TMCO1: variants seen among roughly 807,000 people sequenced by gnomAD.
The protein encoded by TMCO1 is calcium load-activated calcium channel.
In TMCO1, 29 loss-of-function variants were observed where a neutral mutation model predicts 29.3. The observed-to-expected ratio is 0.99, with a 90% CI of 0.74 to 1.35. The LOEUF (loss-of-function observed/expected upper bound fraction) is 1.35, where lower values mean the gene tolerates loss of function less well. Ranked by LOEUF, TMCO1 falls within the 40% of genes most tolerant of loss-of-function variation. TMCO1 has a pLI of 0.00. For synonymous variants in TMCO1, 80 were observed against 77.1 expected, an observed-to-expected ratio of 1.04 and a Z score of -0.20; for missense variants, 173 against 225.5, an observed-to-expected ratio of 0.77 and a Z score of 1.49.
intron 5 of TMCO1, among the ~76,000 whole-genome samples, chr1:165,747,677 G>C (rs1651850307): frequency 1.3e-5 from 2 of 152,188 alleles, no homozygotes; most frequent in African/African-American, 2.4e-5. Flanking sequence ...CCAGGGTAAG[G>C]AGTCTGACTA....
chr1:165,757,868 T>C (rs1652255796), intron 3 of TMCO1, among the ~76,000 whole-genome samples: 2 of 152,222 alleles, frequency 1.3e-5, no homozygotes, highest in African/African-American at 4.8e-5. Context: ...TTACACTCCA[T>C]GTTAAGATCA....
Position 165,727,915 on chromosome 1 carries a change from G to GA in TMCO1, c.*107dup, listed in dbSNP as rs769785900. 5 of 811,876 alleles carry GA rather than the reference G, an allele frequency of 6.2e-6. No homozygotes were observed. The South Asian group carries it at 6.9e-5, about 11-fold the overall frequency. The allele number at this position is 811,876 out of a possible 1,614,324, so 50.3% of individuals were successfully genotyped here. A position where few individuals can be genotyped will look rare whatever the true frequency, so the allele number is the denominator to read the frequency against. On this transcript the variant is annotated 3_prime_UTR_variant, in exon 7 of 7. Transcript: ENST00000367881. ...AAGGCTTAGAAATAATTCAAAACTA[G>GA]AAAGAGGCCCAAGTAGTAAGGCTAC...
intron 6 of TMCO1, among the ~76,000 whole-genome samples, 198 bp from the exon 7 acceptor site, chr1:165,728,319 C>T (rs1650987385): frequency 6.6e-6 from 1 of 150,964 alleles, no homozygotes; most frequent in Admixed American, 6.6e-5. Context: ...TGCAGTGGAG[C>T]AATCTTGGCT....
chr1:165,732,824 T>C (rs773903403), intron 6 of TMCO1, among the ~76,000 whole-genome samples: 1 of 152,208 alleles, frequency 6.6e-6, no homozygotes, highest in Non-Finnish European at 1.5e-5. Context: ...GAATATATAG[T>C]AAGATAACAG....
At chr1:165,733,144 G>A (rs1651235855) in intron 6 of TMCO1, among the ~76,000 whole-genome samples, 1 of 152,064 alleles carries the variant, frequency 6.6e-6, no homozygotes, top group East Asian at 1.9e-4. Context: ...GATACCAATG[G>A]TCAGGCTGTA....
At chr1:165,739,390 TA>T (rs1651503092) in intron 6 of TMCO1, among the ~76,000 whole-genome samples, 1 of 36,990 alleles carries the variant, frequency 2.7e-5, no homozygotes, top group African/African-American at 1.3e-4. Context: ...TTGAACTTCC[TA>T]AATAATTTTT....
At chr1:165,729,930 T>C (rs1422182734) in intron 6 of TMCO1, among the ~76,000 whole-genome samples, 1 of 152,054 alleles carries the variant, frequency 6.6e-6, no homozygotes, top group Non-Finnish European at 1.5e-5. Context: ...CTACTAGATA[T>C]AAGATACTGT....
chr1:165,724,685 A>G (rs999208755), downstream of TMCO1: 1 of 454,010 alleles, frequency 2.2e-6, no homozygotes, highest in African/African-American at 2.0e-5. Flanking sequence ...GATGTGTATC[A>G]GCTAACTGCA....
chr1:165,757,935 AT>A (rs1184858042), intron 3 of TMCO1, among the ~76,000 whole-genome samples: 2 of 152,310 alleles, frequency 1.3e-5, no homozygotes, highest in East Asian at 3.9e-4. Context: ...TCTGCCTTCC[AT>A]TTTTATATCC....
rs34558487 is a variant in TMCO1 at position 165,732,388 on chromosome 1, C to CAAA, written c.469-4270_469-4268dup. Among the ~76,000 whole-genome samples the CAAA allele has an allele frequency of 3.3e-3, 296 of 89,702 alleles. 2 individuals are homozygous for CAAA. Among genetic ancestry groups the CAAA allele is most frequent in the African/African-American group, 0.01 (257 of 25,388 alleles). The allele number at this position is 89,702 out of a possible 152,430, so 58.8% of individuals were successfully genotyped here. On this transcript the variant is annotated intron_variant, in intron 6 of 6. Coordinates refer to ENST00000367881, the MANE Select transcript of TMCO1 (RefSeq NM_019026.6). ...GGAATAAAAAAATCACATAAAGAAG[C>CAAA]AAAAAAAAAAAAAAAAAGGAATAAA... is the stretch of plus-strand genomic sequence containing the variant.
intron 6 of TMCO1, among the ~76,000 whole-genome samples, chr1:165,733,547 G>T (rs902918596): frequency 1.3e-4 from 20 of 152,024 alleles, no homozygotes; most frequent in East Asian, 5.8e-4. Flanking sequence ...GGTTGTAGGA[G>T]ATCGTGCAGC....
chr1:165,768,624 A>G (rs1186266410), intron 1 of TMCO1, 58 bp downstream of exon 1: 1 of 1,612,772 alleles, frequency 6.2e-7, no homozygotes, highest in East Asian at 2.2e-5. Context: ...GGCACAGGGG[A>G]CCCCGGGGCC....
Position 165,743,305 on chromosome 1 carries a change from A to G in TMCO1, c.330T>C (p.Asp110=), listed in dbSNP as rs762784090. Residue 110 remains aspartate (D), a synonymous_variant, in exon 6 of 7, where the codon GAT becomes GAC. Coordinates refer to ENST00000367881, the MANE Select transcript of TMCO1 (RefSeq NM_019026.6). The part of the protein sequence containing the change: ...ALMGMFNSIF[D]GRVVAKLPFT... ...AAGGAAGCTTTGCCACCACTCTACC[A>G]TCAAATCTAAAAGAAAAAAAAAAAA... 1.9e-6 allele frequency: 3 copies of G among 1,611,548 alleles called. No individual in the cohort carries two copies. The highest frequency in any genetic ancestry group is 1.7e-5 in the Admixed American group (1 of 59,698).
chr1:165,766,578 A>T (rs1652577680), intron 2 of TMCO1, among the ~76,000 whole-genome samples: 1 of 152,062 alleles, frequency 6.6e-6, no homozygotes, highest in African/African-American at 2.4e-5. Context: ...GCTTGAGCCC[A>T]GGAGTTTGAG....
chr1:165,750,067 C>A (rs1392969300), intron 5 of TMCO1, among the ~76,000 whole-genome samples: 1 of 151,612 alleles, frequency 6.6e-6, no homozygotes, highest in Non-Finnish European at 1.5e-5. Flanking sequence ...GAGAAAGATC[C>A]ATTCACAAGT....
chr1:165,762,850 C>A (rs1652443826), intron 2 of TMCO1, among the ~76,000 whole-genome samples: 1 of 152,106 alleles, frequency 6.6e-6, no homozygotes, highest in African/African-American at 2.4e-5. Context: ...AACTGTGTTA[C>A]AAGAATCAAG....
chr1:165,740,288 G>A (rs947073544), intron 6 of TMCO1, among the ~76,000 whole-genome samples: 6 of 151,302 alleles, frequency 4.0e-5, no homozygotes, highest in Non-Finnish European at 7.4e-5. Context: ...TGCAATCTCC[G>A]CCTCCAGGTT....
downstream of TMCO1, chr1:165,726,022 A>G (rs765008152): frequency 1.5e-6 from 1 of 687,758 alleles, no homozygotes; most frequent in South Asian, 1.5e-5. Flanking sequence ...ACCAACTTCA[A>G]AGCCTCAGGG....
downstream of TMCO1, chr1:165,726,078 T>C (rs1650878922): frequency 1.4e-6 from 1 of 695,804 alleles, no homozygotes; most frequent in East Asian, 2.7e-5. Flanking sequence ...AAAAAGGTGA[T>C]GGCAGAATTT....
Sources: allele counts gnomAD v4.1 joint callset (sites outside exome capture counted in the v4.1 genomes callset), GRCh38; gene constraint gnomAD v4.1.1; transcripts MANE v1.5; gene names NCBI Gene and HGNC (gene_info 2026-07-23, HGNC 2026-07-21).